DMD: variants seen among roughly 807,000 people sequenced by gnomAD.
DMD encodes the protein dystrophin.
DMD carries 63 observed loss-of-function variants against 330.1 expected under a neutral mutation model. The observed-to-expected ratio is 0.19, with a 90% CI of 0.16 to 0.24. The LOEUF (loss-of-function observed/expected upper bound fraction) is 0.24, where lower values mean the gene tolerates loss of function less well. DMD is among the 10% of genes least tolerant of loss of function. The probability of loss-of-function intolerance (pLI) is 1.00; values close to 1 mark genes in which losing one functional copy is unlikely to be tolerated. For missense variants in DMD, 3,344 were observed against 2,684.1 expected (o/e 1.25, Z -5.43); for synonymous variants, 1,223 against 959.8 (o/e 1.27, Z -5.07).
intron 60 of DMD, among the ~76,000 whole-genome samples, chrX:31,390,680 T>C (rs748478674): frequency 7.2e-5 from 8 of 111,681 alleles, no homozygotes; most frequent in African/African-American, 2.6e-4. Flanking sequence ...TCTATTTCCA[T>C]TGCCGCCATC....
At chrX:32,641,407 C>CATACATATATATATAT (rs1569366795) in intron 11 of DMD, 3 of 63,205 alleles carry the variant, frequency 4.7e-5, no homozygotes, top group African/African-American at 1.9e-4. Flanking sequence ...GTATTTTATA[C>CATACATATATATATAT]GTATATATAT....
At chrX:32,942,647 A>G in intron 2 of DMD, among the ~76,000 whole-genome samples, 1 of 112,464 alleles carries the variant, frequency 8.9e-6, no homozygotes, top group Non-Finnish European at 1.9e-5. Context: ...AGGAAAGGAA[A>G]TATAAGCCCA....
intron 44 of DMD, among the ~76,000 whole-genome samples, chrX:31,991,918 T>C (rs1369302451): frequency 1.8e-5 from 2 of 112,106 alleles, no homozygotes; most frequent in Non-Finnish European, 3.8e-5. Flanking sequence ...CACTGTTCCA[T>C]GTTCTAAAGA....
At chrX:31,571,417 C>T (rs865862048) in intron 55 of DMD, among the ~76,000 whole-genome samples, 6 of 100,533 alleles carry the variant, frequency 6.0e-5, no homozygotes, top group Admixed American at 1.1e-4. Flanking sequence ...AATCTTCTAA[C>T]ATTACCATGT....
chrX:32,952,073 AT>A (rs1005195086), intron 2 of DMD, among the ~76,000 whole-genome samples: 1 of 110,563 alleles, frequency 9.0e-6, no homozygotes, highest in Non-Finnish European at 1.9e-5. Flanking sequence ...TTTCCCTTAA[AT>A]GAAAAAGGGC....
chrX:32,222,531 T>A (rs928452741), intron 43 of DMD, among the ~76,000 whole-genome samples: 1 of 112,270 alleles, frequency 8.9e-6, no homozygotes, highest in Non-Finnish European at 1.9e-5. Context: ...GTAGTTAGAT[T>A]AACCAAGAAA....
At chrX:32,588,060 C>G (rs1445252508) in intron 13 of DMD, among the ~76,000 whole-genome samples, 1 of 111,400 alleles carries the variant, frequency 9.0e-6, no homozygotes, top group Non-Finnish European at 1.9e-5. Context: ...AAAAGCTCTC[C>G]CTTTTAAGTC....
intron 53 of DMD, among the ~76,000 whole-genome samples, chrX:31,673,708 G>T (rs1215835183): frequency 8.9e-6 from 1 of 111,938 alleles, no homozygotes; most frequent in African/African-American, 3.2e-5. Flanking sequence ...TTTCAAGCAC[G>T]GGATAAGTTA....
intron 29 of DMD, among the ~76,000 whole-genome samples, chrX:32,425,526 C>G (rs923449419): frequency 9.0e-5 from 10 of 111,494 alleles, no homozygotes; most frequent in African/African-American, 3.3e-4. Context: ...CTTTTCTGCC[C>G]TATTACTATT....
At chrX:31,456,058 TCC>T (rs2066132946) in intron 59 of DMD, among the ~76,000 whole-genome samples, 1 of 101,642 alleles carries the variant, frequency 9.8e-6, no homozygotes, top group Non-Finnish European at 2.0e-5. Context: ...TTACAGATGA[TCC>T]CTCTCTCTCT....
chrX:32,966,117 T>G (rs1290927416), intron 2 of DMD, among the ~76,000 whole-genome samples: 3 of 111,716 alleles, frequency 2.7e-5, no homozygotes, highest in Non-Finnish European at 5.6e-5. Context: ...GGTAAAGGAG[T>G]TAAATATTAA....
rs778912710 is a variant in DMD at position 32,448,489 on chromosome X, G to A, written c.3753C>T (p.Cys1251=). The A allele has an allele frequency of 8.3e-7, 1 of 1,208,706 alleles. No homozygotes were observed. The highest frequency in any genetic ancestry group is 1.8e-5 in the South Asian group (1 of 56,962). ...TCTTGCATTTCCCATTCAGCCTAGT[G>A]CAGAGCCACTGGTAGTTGGTGGTTA... ...ETLTTNYQWL[C]TRLNGKCKTL... The change falls in exon 27 of 79, where the codon TGC becomes TGT. Residue 1251 remains cysteine, a synonymous_variant. Coordinates refer to ENST00000357033, the MANE Select transcript of DMD (RefSeq NM_004006.3).
At chrX:33,047,129 A>G (rs2094393814) in intron 1 of DMD, among the ~76,000 whole-genome samples, 1 of 111,852 alleles carries the variant, frequency 8.9e-6, no homozygotes, top group South Asian at 3.8e-4. Flanking sequence ...CCAAGTTCAT[A>G]TAGCTACTTT....
intron 2 of DMD, among the ~76,000 whole-genome samples, chrX:32,947,445 T>A (rs1320136970): frequency 3.6e-5 from 4 of 112,194 alleles, no homozygotes; most frequent in Non-Finnish European, 7.5e-5. Context: ...AAGACAATTC[T>A]AATTGCATTT....
At chrX:31,163,460 G>A (rs139696604) in intron 74 of DMD, among the ~76,000 whole-genome samples, 3,060 of 111,463 alleles carry the variant, frequency 0.027, 39 homozygotes, top group Non-Finnish European at 0.043. Flanking sequence ...GTATGAAAAT[G>A]GACTAATACA....
chrX:31,156,003 A>AG (rs1556007404), intron 74 of DMD, among the ~76,000 whole-genome samples: 1 of 110,809 alleles, frequency 9.0e-6, no homozygotes, highest in South Asian at 3.9e-4. Context: ...TAAAAAAAAA[A>AG]GTGACAATAA....
At chrX:32,590,039 A>T (rs808555) in intron 13 of DMD, among the ~76,000 whole-genome samples, 60,477 of 111,130 alleles carry the variant, frequency 0.54, 13,670 homozygotes, top group African/African-American at 0.89. Flanking sequence ...GAATACCTCA[A>T]ATTCATTCCA....
chrX:33,266,228 T>C (rs1193863203), intron 1 of DMD, among the ~76,000 whole-genome samples: 1 of 111,635 alleles, frequency 9.0e-6, no homozygotes, highest in Non-Finnish European at 1.9e-5. Flanking sequence ...TCTTCTACCC[T>C]AAAGATAGCT....
intron 74 of DMD, among the ~76,000 whole-genome samples, chrX:31,152,690 C>T (rs1341027947): frequency 9.0e-6 from 1 of 111,400 alleles, no homozygotes; most frequent in African/African-American, 3.3e-5. Flanking sequence ...TGTACCACCA[C>T]TCCTGGCTAA....
Sources: gnomAD v4.1 joint callset for allele counts (sites outside exome capture counted in the v4.1 genomes callset) on GRCh38, gnomAD v4.1.1 for gene constraint, MANE v1.5 for transcripts, NCBI Gene and HGNC (gene_info 2026-07-23, HGNC 2026-07-21) for gene names.